HDGFL3: variants seen among roughly 807,000 people sequenced by gnomAD.
HDGFL3 encodes the protein hepatoma-derived growth factor-related protein 3.
HDGFL3 carries 6 observed loss-of-function variants against 27.6 expected under a neutral mutation model. That is an observed-to-expected ratio of 0.22 (90% CI 0.12 to 0.43). The LOEUF (loss-of-function observed/expected upper bound fraction) is 0.43, where lower values mean the gene tolerates loss of function less well. Among genes scored for constraint, HDGFL3 ranks in the 20% least tolerant of loss-of-function variants. HDGFL3 has a pLI of 1.00. For synonymous variants in HDGFL3, 88 were observed against 88.9 expected, an observed-to-expected ratio of 0.99 and a Z score of 0.05; for missense variants, 207 against 250.1, an observed-to-expected ratio of 0.83 and a Z score of 1.16.
At chr15:83,185,946 T>C (rs554854849) in intron 1 of HDGFL3, 2 of 152,392 alleles carry the variant, frequency 1.3e-5, no homozygotes, top group South Asian at 2.1e-4. Context: ...AGCTGCCATG[T>C]TGTCAGTTAT....
intron 1 of HDGFL3, among the ~76,000 whole-genome samples, chr15:83,176,222 C>T (rs998896290): frequency 6.6e-6 from 1 of 152,160 alleles, no homozygotes; most frequent in Non-Finnish European, 1.5e-5. Context: ...AAAGCCTTTA[C>T]CCCTTTTTGA....
At chr15:83,151,085 T>C (rs1360172926) in intron 5 of HDGFL3, 130 bp downstream of exon 5, 2 of 775,606 alleles carry the variant, frequency 2.6e-6, no homozygotes, top group Admixed American at 5.4e-5. Flanking sequence ...GCTGAGTGGA[T>C]GCATATAATA....
At chr15:83,190,258 T>C (rs1280987631) in intron 1 of HDGFL3, among the ~76,000 whole-genome samples, 1 of 151,968 alleles carries the variant, frequency 6.6e-6, no homozygotes, top group African/African-American at 2.4e-5. Context: ...TTCACCATTA[T>C]GAATCCTGTT....
chr15:83,162,246 G>A (rs1057314726), intron 2 of HDGFL3, among the ~76,000 whole-genome samples: 2 of 152,130 alleles, frequency 1.3e-5, no homozygotes, highest in African/African-American at 4.8e-5. Context: ...ATTCATACTT[G>A]CCAGGGCAAG....
chr15:83,172,371 A>G (rs1567172396), intron 1 of HDGFL3, among the ~76,000 whole-genome samples: 1 of 152,134 alleles, frequency 6.6e-6, no homozygotes, highest in Non-Finnish European at 1.5e-5. Flanking sequence ...AACAACAGGG[A>G]TTGGGGCACT....
In HDGFL3 at chr15:83,133,392, T is replaced by C. The variant is rs184016594; in HGVS notation, c.*5878A>G. 1 of 152,368 alleles carries C rather than the reference T, an allele frequency of 6.6e-6. No individual in the cohort carries two copies. The highest frequency in any genetic ancestry group is 6.5e-5 in the Admixed American group (1 of 15,304). The allele number at this position is 152,368 out of a possible 1,614,324, so 9.4% of individuals were successfully genotyped here. A position where few individuals can be genotyped will look rare whatever the true frequency, so the allele number is the denominator to read the frequency against. On this transcript the variant is annotated 3_prime_UTR_variant, in exon 6 of 6. Transcript: ENST00000299633. ...AACTTTTTTAGTTATCCTTTACAGA[T>C]TGTCTCTATACATGTAAGAAAACAG...
chr15:83,145,893 CTTCCTTTTT>C (rs2036882230), intron 5 of HDGFL3, among the ~76,000 whole-genome samples: 1 of 98,470 alleles, frequency 1.0e-5, no homozygotes, highest in African/African-American at 3.6e-5. Flanking sequence ...TCCCTTTCTT[CTTCCTTTTT>C]TTTTTTTTTT....
At chr15:83,160,497 T>C (rs2037087003) in intron 2 of HDGFL3, among the ~76,000 whole-genome samples, 1 of 147,652 alleles carries the variant, frequency 6.8e-6, no homozygotes. Context: ...CTCCAAGGTT[T>C]TGGACTGAGA....
At chr15:83,152,698 A>C (rs2036978324) in intron 4 of HDGFL3, among the ~76,000 whole-genome samples, 1 of 151,578 alleles carries the variant, frequency 6.6e-6, no homozygotes, top group Non-Finnish European at 1.5e-5. Flanking sequence ...AAAAAAAAAA[A>C]ACAAAAAAAG....
At chr15:83,190,538 T>C (rs1384083582) in intron 1 of HDGFL3, among the ~76,000 whole-genome samples, 3 of 152,220 alleles carry the variant, frequency 2.0e-5, no homozygotes, top group Non-Finnish European at 4.4e-5. Flanking sequence ...CGATTACTTA[T>C]GAGGCAGAGC....
intron 2 of HDGFL3, among the ~76,000 whole-genome samples, chr15:83,162,061 G>A (rs1006015289): frequency 6.6e-6 from 1 of 152,136 alleles, no homozygotes; most frequent in African/African-American, 2.4e-5. Flanking sequence ...ACCAAACGTA[G>A]CCTTCTTGTT....
Position 83,157,478 on chromosome 15 carries a change from ATCT to A in HDGFL3, c.393_395del (p.Glu131del), listed in dbSNP as rs750953864. 47 of 1,612,976 alleles carry A rather than the reference ATCT, an allele frequency of 2.9e-5. No individual in the cohort carries two copies. The highest frequency in any genetic ancestry group is 5.3e-5 in the African/African-American group (4 of 74,882). On this transcript the variant is annotated inframe_deletion, in exon 4 of 6. Transcript: ENST00000299633. ...TTTCATTCTTTCTTTTGCCTTTTCC[ATCT>A]TCTTCTACTCTATCACCTTCTTCCT...
downstream of HDGFL3, chr15:83,127,642 T>C (rs2035885544): frequency 1.4e-6 from 1 of 692,502 alleles, no homozygotes; most frequent in East Asian, 2.8e-5. Context: ...GTACATTTTA[T>C]TTCAATCTCA....
intron 3 of HDGFL3, among the ~76,000 whole-genome samples, chr15:83,116,096 A>C (rs1596479128): frequency 6.6e-6 from 1 of 152,314 alleles, no homozygotes; most frequent in East Asian, 1.9e-4. Flanking sequence ...AGTCACATGG[A>C]AAGTGGAGCA....
intron 1 of HDGFL3, among the ~76,000 whole-genome samples, chr15:83,193,136 T>TA (rs1169338281): frequency 1.3e-5 from 2 of 151,204 alleles, no homozygotes; most frequent in East Asian, 1.9e-4. Context: ...AAATCAAGAG[T>TA]AAAAAAAAGC....
intron 1 of HDGFL3, among the ~76,000 whole-genome samples, chr15:83,202,672 T>A (rs527267074): frequency 2.6e-5 from 4 of 152,160 alleles, no homozygotes; most frequent in Non-Finnish European, 5.9e-5. Context: ...ATAACTTTCA[T>A]ACAGTATAGT....
chr15:83,134,152 G>C lies in HDGFL3; in HGVS notation c.*5118C>G, dbSNP rs1725937128. The C allele has an allele frequency of 6.6e-6, 1 of 152,102 alleles. No homozygotes were observed. The highest frequency in any genetic ancestry group is 2.1e-4 in the South Asian group (1 of 4,820). The allele number at this position is 152,102 out of a possible 1,614,324, so 9.4% of individuals were successfully genotyped here. A position where few individuals can be genotyped will look rare whatever the true frequency, so the allele number is the denominator to read the frequency against. On this transcript the variant is annotated 3_prime_UTR_variant, in exon 6 of 6. Coordinates refer to ENST00000299633, the MANE Select transcript of HDGFL3 (RefSeq NM_016073.4). ...AACGTTTATTGAGCTCTAACAATGT[G>C]ACAGGTGCCACACAAAACATTAGAC... is the stretch of plus-strand genomic sequence containing the variant.
At chr15:83,193,027 C>A (rs954673073) in intron 1 of HDGFL3, among the ~76,000 whole-genome samples, 1 of 152,180 alleles carries the variant, frequency 6.6e-6, no homozygotes, top group Non-Finnish European at 1.5e-5. Context: ...ATTGCTCCTG[C>A]CTTTACCACA....
At chr15:83,203,528 A>G (rs1477817024) in intron 1 of HDGFL3, among the ~76,000 whole-genome samples, 2 of 152,102 alleles carry the variant, frequency 1.3e-5, no homozygotes, top group East Asian at 3.9e-4. Flanking sequence ...CACAAAAATA[A>G]TATTAGTAAT....
Sources: gnomAD v4.1 joint callset for allele counts (sites outside exome capture counted in the v4.1 genomes callset) on GRCh38, gnomAD v4.1.1 for gene constraint, MANE v1.5 for transcripts, NCBI Gene and HGNC (gene_info 2026-07-23, HGNC 2026-07-21) for gene names.